Variants in STK3 observed in about 807,000 individuals in gnomAD.
The protein encoded by STK3 is serine/threonine kinase 3.
A neutral mutation model predicts 58.0 loss-of-function variants in STK3; 41 were observed. That is an observed-to-expected ratio of 0.71 (90% CI 0.55 to 0.92). The LOEUF (loss-of-function observed/expected upper bound fraction) is 0.92. Among genes scored for constraint, STK3 ranks in the 40% least tolerant of loss-of-function variants. The pLI is 0.00. For missense variants in STK3, 479 were observed against 602.7 expected (o/e 0.79, Z 2.15); for synonymous variants, 170 against 191.0 (o/e 0.89, Z 0.91).
Position 98,442,093 on chromosome 8 carries a change from A to G in STK3, n.186-4885T>C, listed in dbSNP as rs572718269. Among the ~76,000 whole-genome samples, 20 of 152,330 alleles carry G rather than the reference A, an allele frequency of 1.3e-4. No homozygotes were observed. In the East Asian group the frequency reaches 2.7e-3, roughly 21 times the overall value. Reference sequence around the variant, plus strand: ...AAGTTGAGTCTGCAGGGCTAACTTCATCTTCTCACTCTTCTTTGTCCCACA... The same window carrying G: ...AAGTTGAGTCTGCAGGGCTAACTTCGTCTTCTCACTCTTCTTTGTCCCACA... On this transcript the variant is annotated intron_variant and non_coding_transcript_variant, in intron 1 of 3. Coordinates refer to the STK3 transcript ENST00000517832.
intron 2 of STK3, among the ~76,000 whole-genome samples, chr8:98,772,707 T>A (rs1831394830): frequency 1.3e-5 from 2 of 151,872 alleles, no homozygotes; most frequent in Admixed American, 6.6e-5. Flanking sequence ...AAAAAAATTT[T>A]AAAATAAAAA....
chr8:98,428,254 T>C lies in STK3; in HGVS notation n.483+5873A>G, dbSNP rs757398784. On this transcript the variant is annotated intron_variant and non_coding_transcript_variant, in intron 3 of 3. Coordinates refer to the STK3 transcript ENST00000517832. This position sits in a 1 kb window ranked among gnomAD's most constrained non-coding sequence, Gnocchi z 6.7. ...TTCTATCACACCGGCAAGCTTCACGTCATGGCTGAGCTATGTGTCTTCTCC... is the reference window on the plus strand; with the variant it reads ...TTCTATCACACCGGCAAGCTTCACGCCATGGCTGAGCTATGTGTCTTCTCC... 3 of 1,614,144 alleles carry C rather than the reference T, an allele frequency of 1.9e-6. No homozygotes were observed. The highest frequency in any genetic ancestry group is 2.5e-6 in the Non-Finnish European group (3 of 1,180,030).
chr8:98,375,982 T>C (rs1322112306), intron 2 of STK3, among the ~76,000 whole-genome samples: 2 of 152,256 alleles, frequency 1.3e-5, no homozygotes, highest in East Asian at 1.9e-4. Context: ...TTTAACTTCA[T>C]GAAAAACTGT....
chr8:98,661,777 A>T (rs1359512094), intron 6 of STK3, among the ~76,000 whole-genome samples: 1 of 152,096 alleles, frequency 6.6e-6, no homozygotes, highest in Non-Finnish European at 1.5e-5. Flanking sequence ...AGAATACCAC[A>T]CATCTACTTT....
intron 6 of STK3, among the ~76,000 whole-genome samples, chr8:98,630,403 A>C (rs1283762428): frequency 1.3e-5 from 2 of 152,180 alleles, no homozygotes; most frequent in Non-Finnish European, 2.9e-5. Flanking sequence ...GCACTTTGGG[A>C]GGCTAAGGCG....
chr8:98,893,154 A>G (rs1005882183), intron 1 of STK3, among the ~76,000 whole-genome samples: 3 of 151,960 alleles, frequency 2.0e-5, no homozygotes, highest in African/African-American at 7.3e-5. Context: ...TTGGGAGGCC[A>G]AGGTTGGGTG....
At chr8:98,883,679 C>T (rs1837878941), downstream of STK3, 1 of 702,836 alleles carries the variant, frequency 1.4e-6, no homozygotes, top group Admixed American at 2.0e-5. Flanking sequence ...CTTGTGTGCT[C>T]CATTCTTTTT....
At chr8:98,670,066 T>C (rs1017240241) in intron 6 of STK3, among the ~76,000 whole-genome samples, 6 of 152,164 alleles carry the variant, frequency 3.9e-5, no homozygotes, top group Non-Finnish European at 8.8e-5. Context: ...CTCACAACAC[T>C]GTATATAAAA....
chr8:98,616,861 T>C (rs1248999633), intron 6 of STK3, among the ~76,000 whole-genome samples: 16 of 148,836 alleles, frequency 1.1e-4, no homozygotes, highest in Non-Finnish European at 2.1e-4. Flanking sequence ...ACATTAATAA[T>C]GGGAGACTTT....
At chr8:98,558,206 A>T (rs1041594374) in intron 8 of STK3, among the ~76,000 whole-genome samples, 6 of 152,144 alleles carry the variant, frequency 3.9e-5, no homozygotes, top group African/African-American at 1.4e-4. Flanking sequence ...CAAGCAGTTT[A>T]TAAAACATCC....
chr8:98,754,728 T>C (rs1830185600), intron 3 of STK3, among the ~76,000 whole-genome samples: 1 of 152,100 alleles, frequency 6.6e-6, no homozygotes, highest in African/African-American at 2.4e-5. Context: ...CAGGCTTGTC[T>C]TGAACTCCTG....
chr8:98,694,596 T>C (rs1046462019), intron 6 of STK3, among the ~76,000 whole-genome samples: 3 of 152,110 alleles, frequency 2.0e-5, no homozygotes, highest in African/African-American at 4.8e-5. Context: ...TGAGAACATG[T>C]GGTGTTTGGT....
At chr8:98,789,773 A>G (rs919299622) in intron 1 of STK3, among the ~76,000 whole-genome samples, 7 of 152,148 alleles carry the variant, frequency 4.6e-5, no homozygotes, top group Admixed American at 3.9e-4. Flanking sequence ...AAAAATTACA[A>G]ACAAGGCACC....
At position 98,455,020 on chromosome 8, in the gene STK3, A is replaced by T. The variant is rs1338988546; in HGVS notation, c.*822T>A. 1 of 152,578 alleles carries T rather than the reference A, an allele frequency of 6.6e-6. No homozygotes were observed. Among genetic ancestry groups the T allele is most frequent in the Non-Finnish European group, 1.5e-5 (1 of 68,038 alleles). 9.5% of individuals were successfully genotyped at this position (152,578 alleles called of 1,614,324 possible). The stretch of plus-strand genomic sequence containing the variant: ...CAGCTATTAGATCTACACATAAAAC[A>T]TGAAACAATATTAACAAATTACATT... On this transcript the variant is annotated 3_prime_UTR_variant, in exon 11 of 11. Coordinates refer to ENST00000419617, the MANE Select transcript of STK3 (RefSeq NM_006281.4).
At chr8:98,563,376 T>A (rs1812213905) in intron 8 of STK3, among the ~76,000 whole-genome samples, 1 of 152,154 alleles carries the variant, frequency 6.6e-6, no homozygotes. Context: ...AATGTTTAGT[T>A]TAATACAGAT....
chr8:98,504,269 G>T (rs1247789141), intron 10 of STK3, among the ~76,000 whole-genome samples: 2 of 151,712 alleles, frequency 1.3e-5, no homozygotes, highest in Non-Finnish European at 2.9e-5. Context: ...CTTTTATTTT[G>T]AGCCTATGTG....
intron 1 of STK3, among the ~76,000 whole-genome samples, chr8:98,807,273 T>A (rs889931647): frequency 6.6e-6 from 1 of 152,120 alleles, no homozygotes; most frequent in African/African-American, 2.4e-5. Flanking sequence ...TGTTTTGTTT[T>A]GGAGACAGAG....
At chr8:98,741,836 G>A (rs977362842) in intron 4 of STK3, among the ~76,000 whole-genome samples, 2 of 152,146 alleles carry the variant, frequency 1.3e-5, no homozygotes, top group African/African-American at 4.8e-5. Flanking sequence ...TAGACTGCTA[G>A]CAAGACTAAT....
chr8:98,574,233 T>A lies in STK3; in HGVS notation c.948+5431A>T, dbSNP rs547743590. Among the ~76,000 whole-genome samples, 3 of 152,280 alleles carry A rather than the reference T, an allele frequency of 2.0e-5. No homozygotes were observed. In the South Asian group the frequency reaches 6.2e-4, roughly 32 times the overall value. On this transcript the variant is annotated intron_variant, in intron 8 of 10. Transcript: ENST00000419617. ...TTGCCTGGTTTCTTCTTGCTGCTTA[T>A]AATCAAACACAAAAGGAGAGAGATA...
Sources: allele counts gnomAD v4.1 joint callset (sites outside exome capture counted in the v4.1 genomes callset), GRCh38; gene constraint gnomAD v4.1.1; non-coding constraint Gnocchi (gnomAD v3.1); transcripts MANE v1.5; gene names NCBI Gene and HGNC (gene_info 2026-07-23, HGNC 2026-07-21).